DCDC1: variants seen among roughly 807,000 people sequenced by gnomAD.
The protein encoded by DCDC1 is doublecortin domain containing 1.
DCDC1 carries 200 observed loss-of-function variants against 178.3 expected under a neutral mutation model. The observed-to-expected ratio is 1.12, with a 90% confidence interval of 1.00 to 1.26. DCDC1 has a LOEUF of 1.26. Among genes scored for constraint, DCDC1 ranks in the 50% most tolerant of loss-of-function variants. The pLI, the probability that DCDC1 is intolerant of heterozygous loss-of-function variation, is 0.00. For missense variants in DCDC1, 1,983 were observed against 1,749.2 expected (o/e 1.13, Z -2.38); for synonymous variants, 690 against 604.8 (o/e 1.14, Z -2.07).
intron 20 of DCDC1, among the ~76,000 whole-genome samples, chr11:31,022,973 T>G (rs1187322434): frequency 1.3e-5 from 2 of 152,080 alleles, no homozygotes; most frequent in African/African-American, 2.4e-5. Context: ...AACCTTTCAG[T>G]GAACTAAGAA....
chr11:31,309,142 T>TGTGTGTGTGTGTGTGTGTG (rs1555173338), intron 3 of DCDC1, among the ~76,000 whole-genome samples: 1 of 147,956 alleles, frequency 6.8e-6, no homozygotes, highest in Non-Finnish European at 1.5e-5. Context: ...AAATAGATGT[T>TGTGTGTGTGTGTGTGTGTG]TGTGTGTGTG....
intron 1 of DCDC1, among the ~76,000 whole-genome samples, chr11:31,347,203 A>G (rs1282324123): frequency 6.6e-6 from 1 of 152,176 alleles, no homozygotes; most frequent in Non-Finnish European, 1.5e-5. Flanking sequence ...GTAAATTGGG[A>G]CTTGCTTAGC....
chr11:30,979,122 A>T (rs1950257559), intron 20 of DCDC1, among the ~76,000 whole-genome samples: 3 of 148,924 alleles, frequency 2.0e-5, no homozygotes, highest in South Asian at 4.4e-4. Context: ...AGAGGGAGGG[A>T]CTTCAAGAAG....
intron 20 of DCDC1, among the ~76,000 whole-genome samples, chr11:31,062,150 CAG>C (rs1442775610): frequency 6.6e-6 from 1 of 152,024 alleles, no homozygotes; most frequent in African/African-American, 2.4e-5. Flanking sequence ...AATCTGAGAG[CAG>C]AAGTAAACTG....
At chr11:31,249,797 A>G (rs1330719) in intron 8 of DCDC1, among the ~76,000 whole-genome samples, 40,015 of 152,118 alleles carry the variant, frequency 0.26, 5,429 homozygotes, top group African/African-American at 0.32. Flanking sequence ...CAATGATTGA[A>G]GAGAGGCAAA....
chr11:31,177,415 A>G (rs1968196537), intron 9 of DCDC1, among the ~76,000 whole-genome samples: 1 of 152,108 alleles, frequency 6.6e-6, no homozygotes, highest in African/African-American at 2.4e-5. Context: ...AGATGAAGAG[A>G]AAAAAGAAAA....
chr11:31,075,953 G>A (rs551568708), intron 18 of DCDC1, among the ~76,000 whole-genome samples: 5 of 152,234 alleles, frequency 3.3e-5, no homozygotes, highest in Admixed American at 6.5e-5. Flanking sequence ...TCCGCCTCCC[G>A]GGTTCAAGTG....
At chr11:30,877,679 G>A (rs773872426) in intron 38 of DCDC1, among the ~76,000 whole-genome samples, 30 of 152,232 alleles carry the variant, frequency 2.0e-4, no homozygotes, top group Middle Eastern at 3.4e-3. Flanking sequence ...CCCCATAAAA[G>A]GTCCTGCACT....
At chr11:31,134,647 C>T (rs951074393) in intron 10 of DCDC1, among the ~76,000 whole-genome samples, 1 of 152,168 alleles carries the variant, frequency 6.6e-6, no homozygotes, top group Non-Finnish European at 1.5e-5. Context: ...TTATACAGAA[C>T]CTGGAATAAT....
At chr11:30,923,614 A>T (rs762607089) in intron 23 of DCDC1, among the ~76,000 whole-genome samples, 259 of 148,980 alleles carry the variant, frequency 1.7e-3, no homozygotes, top group Middle Eastern at 7.1e-3. Flanking sequence ...AAATAATAAT[A>T]ATAATAATTA....
intron 20 of DCDC1, among the ~76,000 whole-genome samples, chr11:31,047,600 A>G (rs1457543195): frequency 6.6e-6 from 1 of 152,218 alleles, no homozygotes; most frequent in Non-Finnish European, 1.5e-5. Flanking sequence ...AATAGAGGTG[A>G]TTTAATATAC....
At chr11:30,980,091 ATCTATT>A (rs1322455636) in intron 20 of DCDC1, among the ~76,000 whole-genome samples, 15 of 152,188 alleles carry the variant, frequency 9.9e-5, no homozygotes, top group African/African-American at 3.6e-4. Context: ...AAGAAATGGT[ATCTATT>A]TCTACTAGGC....
At chr11:31,100,730 G>T (rs1202148137) in intron 15 of DCDC1, among the ~76,000 whole-genome samples, 7 of 152,200 alleles carry the variant, frequency 4.6e-5, no homozygotes, top group Admixed American at 1.3e-4. Flanking sequence ...AGCGGAGGTA[G>T]ATTAGAGGAG....
At chr11:31,357,197 T>C (rs1951426450) in intron 1 of DCDC1, among the ~76,000 whole-genome samples, 2 of 152,010 alleles carry the variant, frequency 1.3e-5, no homozygotes, top group African/African-American at 2.4e-5. Flanking sequence ...AATAAAATAC[T>C]GGCAAACTGA....
At chr11:31,289,783 C>T (rs1175559687) in intron 7 of DCDC1, among the ~76,000 whole-genome samples, 2 of 151,902 alleles carry the variant, frequency 1.3e-5, no homozygotes, top group African/African-American at 2.4e-5. Context: ...GAAGTAGGCA[C>T]TACTGTTATC....
chr11:30,994,455 C>T (rs376172268), intron 20 of DCDC1, among the ~76,000 whole-genome samples: 1 of 151,136 alleles, frequency 6.6e-6, no homozygotes. Context: ...CCATGCCAGG[C>T]TAACTTTTGT....
At chr11:31,073,660 G>T (rs1956701593) in intron 18 of DCDC1, among the ~76,000 whole-genome samples, 1 of 152,202 alleles carries the variant, frequency 6.6e-6, no homozygotes, top group Non-Finnish European at 1.5e-5. Context: ...ATATGGTAAA[G>T]ATTATAAATG....
At chr11:31,126,794 G>A (rs1001088351) in intron 11 of DCDC1, among the ~76,000 whole-genome samples, 1 of 152,152 alleles carries the variant, frequency 6.6e-6, no homozygotes, top group African/African-American at 2.4e-5. Context: ...TGGAATATCT[G>A]CTATGAAAAT....
intron 20 of DCDC1, among the ~76,000 whole-genome samples, chr11:31,007,742 C>T (rs934987080): frequency 6.6e-6 from 1 of 151,484 alleles, no homozygotes; most frequent in East Asian, 1.9e-4. Context: ...CGGCTCACTG[C>T]AACCTCCGCC....
Sources: allele counts gnomAD v4.1 joint callset (sites outside exome capture counted in the v4.1 genomes callset), GRCh38; gene constraint gnomAD v4.1.1; transcripts MANE v1.5; gene names NCBI Gene and HGNC (gene_info 2026-07-23, HGNC 2026-07-21).